LSG1: variants seen among roughly 807,000 people sequenced by gnomAD.
LSG1 encodes large 60S subunit nuclear export GTPase 1, also known as large subunit GTPase 1 homolog.
In LSG1, 55 loss-of-function variants were observed where a neutral mutation model predicts 82.6. That is an observed-to-expected ratio of 0.67 (90% CI 0.54 to 0.83). LSG1 has a LOEUF of 0.83. Among genes scored for constraint, LSG1 ranks in the 40% least tolerant of loss-of-function variants. LSG1 has a pLI of 0.00. For synonymous variants in LSG1, 272 were observed against 282.5 expected, an observed-to-expected ratio of 0.96 and a Z score of 0.37; for missense variants, 809 against 807.9, an observed-to-expected ratio of 1.00 and a Z score of -0.02.
rs1181104918 is a variant in LSG1 at position 194,672,151 on chromosome 3, C to T, written c.12G>A (p.Arg4=). The change falls in exon 1 of 14, where the codon AGG becomes AGA. Residue 4 remains arginine, a synonymous_variant. Coordinates refer to ENST00000265245, the MANE Select transcript of LSG1 (RefSeq NM_018385.3). ...CCAGCGACCCACCGGCCGGGGCTCT[C>T]CTCCGGCCCATGGCAACACGACCGC... MGR[R]RAPAGGSLGR... is the part of the protein sequence containing the mutation. 6.2e-7 allele frequency: 1 copy of T among 1,602,750 alleles called. No homozygotes were observed. Among genetic ancestry groups the T allele is most frequent in the Non-Finnish European group, 8.5e-7 (1 of 1,179,168 alleles).
intron 6 of LSG1, 127 bp downstream of exon 6, chr3:194,659,946 G>A: frequency 2.8e-6 from 2 of 726,454 alleles, no homozygotes; most frequent in Non-Finnish European, 4.9e-6. Flanking sequence ...GGCCTTGGAA[G>A]GAGGGAAGGC....
chr3:194,653,155 T>C lies in LSG1; in HGVS notation c.760-13A>G, dbSNP rs1231366871. On this transcript the variant is annotated splice_polypyrimidine_tract_variant and intron_variant, in intron 7 of 13. Transcript: ENST00000265245. ...TGTTTGCCTCTTCCTGACAAAATAA[T>C]AGAAACGCTCAGAAGTATATAACTG... 8.1e-6 allele frequency: 13 copies of C among 1,608,482 alleles called. No homozygotes were observed. The highest frequency in any genetic ancestry group is 3.4e-5 in the Admixed American group (2 of 59,590).
intron 3 of LSG1, 44 bp from the exon 4 acceptor site, chr3:194,666,333 C>G: frequency 6.2e-7 from 1 of 1,606,132 alleles, no homozygotes; most frequent in Non-Finnish European, 8.5e-7. Context: ...TATAAGTAAC[C>G]AAAATAAAAT....
At chr3:194,644,788 C>A in intron 12 of LSG1, 42 bp from the exon 13 acceptor site, 1 of 1,524,800 alleles carries the variant, frequency 6.6e-7, no homozygotes, top group South Asian at 1.3e-5. Flanking sequence ...GCCTAAGTGC[C>A]ATCTGTGGCC....
intron 7 of LSG1, among the ~76,000 whole-genome samples, chr3:194,656,086 C>T (rs929273704): frequency 3.9e-5 from 6 of 151,998 alleles, no homozygotes; most frequent in Non-Finnish European, 8.8e-5. Context: ...AGGACACAGG[C>T]ATGGGCAAGG....
At chr3:194,650,186 T>C (rs886338071) in intron 10 of LSG1, among the ~76,000 whole-genome samples, 1 of 152,234 alleles carries the variant, frequency 6.6e-6, no homozygotes, top group Non-Finnish European at 1.5e-5. Context: ...CCCAAAGTGT[T>C]GGGGTTACAG....
rs752141107 is a variant in LSG1 at position 194,642,051 on chromosome 3, T to C, written c.*17A>G. ...CCATCTGCACAATGCAGATGACATT[T>C]CTGTTGCAGCCCAACCTCACATATC... is the stretch of plus-strand genomic sequence containing the variant. On this transcript the variant is annotated 3_prime_UTR_variant, in exon 14 of 14. Coordinates refer to ENST00000265245, the MANE Select transcript of LSG1 (RefSeq NM_018385.3). 1.9e-6 allele frequency: 3 copies of C among 1,610,706 alleles called. No homozygotes were observed. The Admixed American group carries it at 5.0e-5, about 27-fold the overall frequency.
chr3:194,648,910 T>G, intron 10 of LSG1, 106 bp from the exon 11 acceptor site: 1 of 1,096,886 alleles, frequency 9.1e-7, no homozygotes, highest in South Asian at 1.4e-5. Context: ...TGACAAACAC[T>G]CTCTCCTCTC....
rs764576850 is a variant in LSG1, at chr3:194,672,190, C to G, written c.-28G>C. 1.3e-6 allele frequency: 2 copies of G among 1,530,494 alleles called. No individual in the cohort carries two copies. The highest frequency in any genetic ancestry group is 2.2e-5 in the East Asian group (1 of 44,506). 94.8% of individuals were successfully genotyped at this position (1,530,494 alleles called of 1,614,324 possible). A position where few individuals can be genotyped will look rare whatever the true frequency, so the allele number is the denominator to read the frequency against. On this transcript the variant is annotated 5_prime_UTR_variant, in exon 1 of 14. Coordinates refer to ENST00000265245, the MANE Select transcript of LSG1 (RefSeq NM_018385.3). ...CAACACGACCGCTGGACGAAGCTTC[C>G]CGGCTCGGCGCGTGCAGTTTCCGGG... is the stretch of plus-strand genomic sequence containing the variant.
At chr3:194,647,528 G>A (rs927809058) in intron 11 of LSG1, among the ~76,000 whole-genome samples, 1 of 152,196 alleles carries the variant, frequency 6.6e-6, no homozygotes, top group Non-Finnish European at 1.5e-5. Flanking sequence ...TCTTCTATAT[G>A]GACTTGCAGA....
At chr3:194,661,801 A>G (rs1191222388) in intron 5 of LSG1, among the ~76,000 whole-genome samples, 1 of 152,234 alleles carries the variant, frequency 6.6e-6, no homozygotes, top group Non-Finnish European at 1.5e-5. Context: ...GCTAGAAAAC[A>G]TGTTCTCTTA....
chr3:194,642,279 G>C, intron 13 of LSG1, 32 bp from the exon 14 acceptor site: 1 of 1,592,122 alleles, frequency 6.3e-7, no homozygotes, highest in Non-Finnish European at 8.6e-7. Context: ...TATCTGAGCT[G>C]TCAGCAGGCT....
At chr3:194,668,225 A>C (rs1404437100) in intron 2 of LSG1, among the ~76,000 whole-genome samples, 1 of 152,092 alleles carries the variant, frequency 6.6e-6, no homozygotes, top group Non-Finnish European at 1.5e-5. Context: ...ATTACGAATA[A>C]TGCTGCTATG....
intron 10 of LSG1, 91 bp from the exon 11 acceptor site, chr3:194,648,895 G>A (rs970611079): frequency 2.2e-5 from 28 of 1,295,624 alleles, no homozygotes; most frequent in East Asian, 7.0e-5. Context: ...ACTTCATTCC[G>A]CGTGTGACAA....
At chr3:194,659,269 T>C in intron 6 of LSG1, 136 bp from the exon 7 acceptor site, 1 of 664,710 alleles carries the variant, frequency 1.5e-6, no homozygotes, top group Non-Finnish European at 2.6e-6. Context: ...TTTTTAATCA[T>C]GACACATTAT....
chr3:194,665,791 C>T, intron 4 of LSG1, 148 bp from the exon 5 acceptor site: 1 of 567,824 alleles, frequency 1.8e-6, no homozygotes, highest in Non-Finnish European at 3.1e-6. Flanking sequence ...TGCTGAGACA[C>T]CATAAAAATA....
At chr3:194,650,629 T>C (rs1321474765) in intron 10 of LSG1, 4 of 364,672 alleles carry the variant, frequency 1.1e-5, no homozygotes, top group Non-Finnish European at 2.0e-5. Flanking sequence ...TTACATGGCA[T>C]TGTTAAATAG....
At chr3:194,672,037 TAAGA>T (rs1156477542) in intron 1 of LSG1, 23 bp downstream of exon 1, 2 of 1,600,706 alleles carry the variant, frequency 1.2e-6, no homozygotes, top group Non-Finnish European at 1.7e-6. Context: ...ACAGAAAAGA[TAAGA>T]AAGATGACAT....
chr3:194,644,383 AAAATAAATAAAT>A (rs71179379), intron 13 of LSG1, among the ~76,000 whole-genome samples, 178 bp downstream of exon 13: 3,208 of 132,908 alleles, frequency 0.024, 151 homozygotes, highest in Non-Finnish European at 0.027. Flanking sequence ...AAAAAAAATA[AAAATAAATAAAT>A]AAATAAATAA....
Sources: gnomAD v4.1 joint callset for allele counts (sites outside exome capture counted in the v4.1 genomes callset) on GRCh38, gnomAD v4.1.1 for gene constraint, MANE v1.5 for transcripts, NCBI Gene and HGNC (gene_info 2026-07-23, HGNC 2026-07-21) for gene names.